The following SLC35F1 variants were observed in gnomAD, a reference collection of about 807,000 sequenced individuals.
SLC35F1 encodes solute carrier family 35 member F1.
A neutral mutation model predicts 48.7 loss-of-function variants in SLC35F1; 14 were observed. The observed-to-expected ratio is 0.29, with a 90% CI of 0.19 to 0.45. The LOEUF (loss-of-function observed/expected upper bound fraction) is 0.45, where lower values mean the gene tolerates loss of function less well. Ranked by LOEUF, SLC35F1 falls within the 20% of genes least tolerant of loss-of-function variation. The pLI, the probability that SLC35F1 is intolerant of heterozygous loss-of-function variation, is 1.00. For synonymous variants in SLC35F1, 190 were observed against 202.2 expected, an observed-to-expected ratio of 0.94 and a Z score of 0.51; for missense variants, 404 against 500.0, an observed-to-expected ratio of 0.81 and a Z score of 1.83.
At position 117,935,584 on chromosome 6, in the gene SLC35F1, A is replaced by G. The variant is rs62433660; in HGVS notation, c.173+27685A>G. Among the ~76,000 whole-genome samples, 4 of 152,210 alleles carry G rather than the reference A, an allele frequency of 2.6e-5. No individual in the cohort carries two copies. The South Asian group carries it at 8.3e-4, about 32-fold the overall frequency. On this transcript the variant is annotated intron_variant, in intron 1 of 7. Coordinates refer to ENST00000360388, the MANE Select transcript of SLC35F1 (RefSeq NM_001029858.4). ...AATATATGTATTTTCTCCTTAAAGA[A>G]CATCACAACCTTTTGGCACCTAGGA...
At chr6:118,271,986 C>T (rs1775857288) in intron 4 of SLC35F1, among the ~76,000 whole-genome samples, 1 of 152,172 alleles carries the variant, frequency 6.6e-6, no homozygotes, top group Non-Finnish European at 1.5e-5. Flanking sequence ...CCCAGTATTA[C>T]ACAGGTAGTA....
chr6:118,134,606 CAAGGTG>C (rs1773766048), intron 1 of SLC35F1, among the ~76,000 whole-genome samples: 1 of 152,164 alleles, frequency 6.6e-6, no homozygotes, highest in Non-Finnish European at 1.5e-5. Flanking sequence ...AGACCTAAAC[CAAGGTG>C]ACTGTATGTG....
At chr6:118,151,985 C>T (rs773337571) in intron 1 of SLC35F1, among the ~76,000 whole-genome samples, 1 of 152,060 alleles carries the variant, frequency 6.6e-6, no homozygotes, top group Non-Finnish European at 1.5e-5. Context: ...AATGGTACTG[C>T]CTGGCTGTAG....
intron 3 of SLC35F1, among the ~76,000 whole-genome samples, chr6:118,248,337 T>C (rs572286881): frequency 9.2e-5 from 14 of 152,350 alleles, no homozygotes; most frequent in Middle Eastern, 3.4e-3. Flanking sequence ...CCCTATAATA[T>C]GTAAATATGT....
rs926095089 is a variant in SLC35F1, at chr6:118,221,345, C to T, written c.350-14164C>T. Among the ~76,000 whole-genome samples, 5 of 152,182 alleles carry T rather than the reference C, an allele frequency of 3.3e-5. No homozygotes were observed. In the East Asian group the frequency reaches 7.7e-4, roughly 24 times the overall value. ...AGGCACCTCCGCAAAAACAGAATGC[C>T]GGGAAATGAACAAGAAAGGTTCTTA... On this transcript the variant is annotated intron_variant, in intron 2 of 7. Transcript: ENST00000360388.
At chr6:118,211,468 A>C (rs979748044) in intron 2 of SLC35F1, among the ~76,000 whole-genome samples, 5 of 152,232 alleles carry the variant, frequency 3.3e-5, no homozygotes, top group African/African-American at 1.2e-4. Flanking sequence ...CATACTCTGC[A>C]TATACAATAG....
chr6:118,056,496 C>G lies in SLC35F1; in HGVS notation c.174-97949C>G, dbSNP rs1316593239. On this transcript the variant is annotated intron_variant, in intron 1 of 7. Coordinates refer to ENST00000360388, the MANE Select transcript of SLC35F1 (RefSeq NM_001029858.4). ...ACAAATTGCCAGAAGAAGTAAGTCC[C>G]CTTTTATATTCTGGATAGTGCTTTG... Among the ~76,000 whole-genome samples, 6 of 152,236 alleles carry G rather than the reference C, an allele frequency of 3.9e-5. No individual in the cohort carries two copies. In the East Asian group the frequency reaches 9.7e-4, roughly 25 times the overall value.
At chr6:118,210,339 T>A (rs894798943) in intron 2 of SLC35F1, among the ~76,000 whole-genome samples, 3 of 152,356 alleles carry the variant, frequency 2.0e-5, no homozygotes, top group Middle Eastern at 3.4e-3. Flanking sequence ...TTTTCCCTGT[T>A]AAGATTTTAC....
chr6:118,067,134 A>G (rs892983149), intron 1 of SLC35F1, among the ~76,000 whole-genome samples: 14 of 152,214 alleles, frequency 9.2e-5, no homozygotes, highest in Non-Finnish European at 1.8e-4. Flanking sequence ...TTTGTGAAAG[A>G]TAAGGGTGAA....
At chr6:118,103,357 G>A (rs1773286087) in intron 1 of SLC35F1, among the ~76,000 whole-genome samples, 1 of 152,174 alleles carries the variant, frequency 6.6e-6, no homozygotes, top group Non-Finnish European at 1.5e-5. Context: ...CCATGTTGAT[G>A]TGCTGCACCC....
chr6:118,140,411 A>T (rs548056541), intron 1 of SLC35F1, among the ~76,000 whole-genome samples: 1 of 152,302 alleles, frequency 6.6e-6, no homozygotes, highest in Non-Finnish European at 1.5e-5. Flanking sequence ...TATTACTCAG[A>T]CATTTCTGGT....
chr6:118,035,192 C>A (rs1772108497), intron 1 of SLC35F1, among the ~76,000 whole-genome samples: 2 of 152,092 alleles, frequency 1.3e-5, no homozygotes, highest in Admixed American at 6.6e-5. Flanking sequence ...ATTCTCTTAT[C>A]TTTTAATGTC....
At chr6:118,283,952 C>T (rs935777537) in intron 6 of SLC35F1, among the ~76,000 whole-genome samples, 5 of 152,122 alleles carry the variant, frequency 3.3e-5, no homozygotes, top group Admixed American at 3.3e-4. Flanking sequence ...TGGTTGTTCC[C>T]CCTTCCTCTG....
chr6:118,296,593 T>C (rs748804910), intron 7 of SLC35F1, among the ~76,000 whole-genome samples: 7 of 152,232 alleles, frequency 4.6e-5, no homozygotes, highest in Non-Finnish European at 5.9e-5. Flanking sequence ...AAGCCCAGAA[T>C]TATAGCCAGA....
At chr6:118,112,465 T>C (rs990911367) in intron 1 of SLC35F1, among the ~76,000 whole-genome samples, 2 of 152,196 alleles carry the variant, frequency 1.3e-5, no homozygotes, top group Non-Finnish European at 2.9e-5. Flanking sequence ...AATGCCCTAC[T>C]CTGTCTATGA....
chr6:118,303,444 G>A (rs746201857), intron 7 of SLC35F1, among the ~76,000 whole-genome samples: 45 of 152,260 alleles, frequency 3.0e-4, no homozygotes, highest in Middle Eastern at 3.4e-3. Flanking sequence ...TTGGGCCAAG[G>A]GCCAAGGCCT....
chr6:118,187,648 C>T (rs1774678662), intron 2 of SLC35F1, among the ~76,000 whole-genome samples: 1 of 152,226 alleles, frequency 6.6e-6, no homozygotes, highest in South Asian at 2.1e-4. Flanking sequence ...TGAACCAAGA[C>T]TCCAGCCCAC....
At chr6:118,076,064 AC>A (rs375614633) in intron 1 of SLC35F1, among the ~76,000 whole-genome samples, 14 of 152,268 alleles carry the variant, frequency 9.2e-5, no homozygotes, top group African/African-American at 2.4e-4. Flanking sequence ...GGAAAAAAAA[AC>A]AAAACAGAAT....
At chr6:118,269,547 A>AT (rs899410544) in intron 4 of SLC35F1, among the ~76,000 whole-genome samples, 2 of 151,194 alleles carry the variant, frequency 1.3e-5, no homozygotes, top group Non-Finnish European at 2.9e-5. Context: ...CAGAGAACAT[A>AT]TTTTTTTAAA....
Sources: allele counts gnomAD v4.1 joint callset (sites outside exome capture counted in the v4.1 genomes callset), GRCh38; gene constraint gnomAD v4.1.1; transcripts MANE v1.5; gene names NCBI Gene and HGNC (gene_info 2026-07-23, HGNC 2026-07-21).